The following NRDC variants were observed in gnomAD, a reference collection of about 807,000 sequenced individuals.
The protein encoded by NRDC is nardilysin convertase, also known as nardilysin.
In NRDC, 54 loss-of-function variants were observed where a neutral mutation model predicts 147.1. The ratio of observed to expected loss-of-function variants is 0.37; its 90% confidence interval spans 0.29 to 0.46. NRDC has a LOEUF of 0.46. NRDC is among the 20% of genes least tolerant of loss of function. The pLI is 1.00. For missense variants in NRDC, 1,082 were observed against 1,370.6 expected, an observed-to-expected ratio of 0.79 and a Z score of 3.33; for synonymous variants, 440 against 482.1, an observed-to-expected ratio of 0.91 and a Z score of 1.14.
intron 2 of NRDC, chr1:51,837,706 C>A: frequency 9.2e-7 from 1 of 1,081,648 alleles, no homozygotes. Flanking sequence ...ATTAAGAAAG[C>A]CCTGAACAAA....
chr1:51,878,179 T>A lies in NRDC; in HGVS notation c.341+96A>T, dbSNP rs1259090123. On this transcript the variant is annotated intron_variant, in intron 1 of 30. Coordinates refer to ENST00000352171, the MANE Select transcript of NRDC (RefSeq NM_001101662.2). ...ATTTGGGGTGGAAAGTGTGCCCTGT[T>A]GCTCCATTGGGAGACATGGAGACAA... The A allele has an allele frequency of 4.1e-6, 6 of 1,460,976 alleles. No homozygotes were observed. The East Asian group carries it at 1.4e-4, about 34-fold the overall frequency. 90.5% of individuals were successfully genotyped at this position (1,460,976 alleles called of 1,614,324 possible).
intron 1 of NRDC, among the ~76,000 whole-genome samples, chr1:51,864,889 G>A: frequency 6.6e-6 from 1 of 151,428 alleles, no homozygotes; most frequent in East Asian, 1.9e-4. Flanking sequence ...GGCAGAGGTT[G>A]CAGTGAGCTG....
At chr1:51,793,298 T>C (rs748450979) in intron 24 of NRDC, among the ~76,000 whole-genome samples, 4 of 152,204 alleles carry the variant, frequency 2.6e-5, no homozygotes, top group Non-Finnish European at 5.9e-5. Context: ...GTACCGGGGT[T>C]GTAAGCAGTC....
intron 5 of NRDC, 97 bp from the exon 6 acceptor site, chr1:51,825,479 A>C: frequency 1.1e-6 from 1 of 906,796 alleles, no homozygotes; most frequent in Non-Finnish European, 1.7e-6. Context: ...AGGAATTAAC[A>C]AAATTAACTT....
chr1:51,790,465 A>G lies in NRDC; in HGVS notation c.3168+68T>C, dbSNP rs1283816387. On this transcript the variant is annotated intron_variant, in intron 29 of 30. Transcript: ENST00000352171. ...TTCCACACAATGCTGGTGTGCACAG[A>G]CCTGTGATGCCTGTAGAATCAGGAA... 7.5e-6 allele frequency: 7 copies of G among 932,928 alleles called. No individual in the cohort carries two copies. In the Admixed American group the frequency reaches 1.0e-4, roughly 14 times the overall value. The allele number at this position is 932,928 out of a possible 1,614,324, so 57.8% of individuals were successfully genotyped here. A position where few individuals can be genotyped will look rare whatever the true frequency, so the allele number is the denominator to read the frequency against.
At chr1:51,805,603 CAG>C (rs747877587) in intron 18 of NRDC, 42 bp from the exon 19 acceptor site, 2 of 1,268,886 alleles carry the variant, frequency 1.6e-6, no homozygotes. Flanking sequence ...TTAGGGGCCT[CAG>C]ATATTTTATA....
At chr1:51,810,741 A>G (rs1467510701) in intron 15 of NRDC, among the ~76,000 whole-genome samples, 1 of 152,228 alleles carries the variant, frequency 6.6e-6, no homozygotes, top group Non-Finnish European at 1.5e-5. Context: ...AACATACATT[A>G]TTTCATTTAT....
chr1:51,800,042 A>G (rs1159722408), intron 21 of NRDC, among the ~76,000 whole-genome samples: 1 of 152,190 alleles, frequency 6.6e-6, no homozygotes, highest in Non-Finnish European at 1.5e-5. Flanking sequence ...TGGCATGATC[A>G]TGGTTCACTG....
At chr1:51,815,809 C>T (rs1047353908) in intron 11 of NRDC, 6 of 152,144 alleles carry the variant, frequency 3.9e-5, no homozygotes, top group African/African-American at 1.4e-4. Flanking sequence ...TATTATTTGG[C>T]TATAGGTGAC....
chr1:51,825,449 A>G, intron 5 of NRDC, 67 bp from the exon 6 acceptor site: 1 of 1,186,830 alleles, frequency 8.4e-7, no homozygotes, highest in Non-Finnish European at 1.2e-6. Flanking sequence ...TGGAAATTCA[A>G]ACTTACAGAA....
At chr1:51,870,548 T>C (rs988869635) in intron 1 of NRDC, among the ~76,000 whole-genome samples, 2 of 152,170 alleles carry the variant, frequency 1.3e-5, no homozygotes, top group South Asian at 4.1e-4. Flanking sequence ...CTATTTCCCT[T>C]AGAGTTCCCC....
chr1:51,792,323 CTCA>C, intron 25 of NRDC, 51 bp downstream of exon 25: 1 of 1,581,582 alleles, frequency 6.3e-7, no homozygotes, highest in Non-Finnish European at 8.7e-7. Flanking sequence ...AAGGCCGGGC[CTCA>C]TAGTGGGTCA....
intron 21 of NRDC, among the ~76,000 whole-genome samples, chr1:51,799,983 G>A (rs1018918096): frequency 1.3e-5 from 2 of 152,120 alleles, no homozygotes; most frequent in African/African-American, 4.8e-5. Context: ...TTTTTTGTTT[G>A]TTTTTCTATG....
intron 18 of NRDC, among the ~76,000 whole-genome samples, chr1:51,805,988 C>T (rs1183063306): frequency 6.6e-6 from 1 of 152,086 alleles, no homozygotes; most frequent in Non-Finnish European, 1.5e-5. Flanking sequence ...AAAATAACTT[C>T]CCAATAAACT....
chr1:51,846,192 A>G (rs1571897700), intron 1 of NRDC, among the ~76,000 whole-genome samples: 1 of 151,894 alleles, frequency 6.6e-6, no homozygotes, highest in South Asian at 2.1e-4. Flanking sequence ...GCTCACTGCA[A>G]CCTCCACTTC....
At chr1:51,791,814 T>G (rs1190997056) in intron 26 of NRDC, among the ~76,000 whole-genome samples, 153 bp from the exon 27 acceptor site, 2 of 152,114 alleles carry the variant, frequency 1.3e-5, no homozygotes, top group Non-Finnish European at 2.9e-5. Context: ...TGTCCATACC[T>G]CTCCTGAATT....
intron 3 of NRDC, among the ~76,000 whole-genome samples, chr1:51,834,755 T>G (rs1244580072): frequency 6.6e-6 from 1 of 152,130 alleles, no homozygotes; most frequent in Non-Finnish European, 1.5e-5. Context: ...ACAAATATAT[T>G]TAAGTCTAAA....
At chr1:51,870,604 G>A (rs1683034991) in intron 1 of NRDC, among the ~76,000 whole-genome samples, 1 of 151,984 alleles carries the variant, frequency 6.6e-6, no homozygotes, top group Non-Finnish European at 1.5e-5. Context: ...ACAAATAAGA[G>A]GGGAAAGTCA....
chr1:51,829,660 A>T (rs1349573293), intron 4 of NRDC, among the ~76,000 whole-genome samples: 1 of 152,166 alleles, frequency 6.6e-6, no homozygotes, highest in East Asian at 1.9e-4. Flanking sequence ...CTACAAGTAA[A>T]ATACATGGGA....
Sources: gnomAD v4.1 joint callset for allele counts (sites outside exome capture counted in the v4.1 genomes callset) on GRCh38, gnomAD v4.1.1 for gene constraint, MANE v1.5 for transcripts, NCBI Gene and HGNC (gene_info 2026-07-23, HGNC 2026-07-21) for gene names.